MAN1B1: variants seen among roughly 807,000 people sequenced by gnomAD.
The protein encoded by MAN1B1 is mannosidase alpha class 1B member 1, also known as endoplasmic reticulum mannosyl-oligosaccharide 1,2-alpha-mannosidase.
In MAN1B1, 66 loss-of-function variants were observed where a neutral mutation model predicts 75.5. The observed-to-expected ratio is 0.87, with a 90% CI of 0.72 to 1.07. The LOEUF (loss-of-function observed/expected upper bound fraction) is 1.07, where lower values mean the gene tolerates loss of function less well. MAN1B1 is among the 50% of genes least tolerant of loss of function. The pLI, the probability that MAN1B1 is intolerant of heterozygous loss-of-function variation, is 0.00. For missense variants in MAN1B1, 973 were observed against 912.5 expected (o/e 1.07, Z -0.85); for synonymous variants, 453 against 382.8 (o/e 1.18, Z -2.14).
chr9:137,096,318 G>C lies in MAN1B1; in HGVS notation c.547G>C (p.Glu183Gln), dbSNP rs1344970682. 7 of 1,614,094 alleles carry C rather than the reference G, an allele frequency of 4.3e-6. No individual in the cohort carries two copies. Among genetic ancestry groups the C allele is most frequent in the Non-Finnish European group, 5.9e-6 (7 of 1,180,038 alleles). Residue 183 changes from glutamate (E) to glutamine (Q), a missense_variant, in exon 4 of 13, where the codon GAG becomes CAG. Coordinates refer to ENST00000371589, the MANE Select transcript of MAN1B1 (RefSeq NM_016219.5). ...CCAAGACCTGAAGGATGGGACCCAG[G>C]AGGAGGCCACAAAAAGGCAAGAAGC... ...PSQDLKDGTQEEATKRQEAPV... is the reference protein window; with the variant it reads ...PSQDLKDGTQQEATKRQEAPV...
chr9:137,102,501 C>G (rs914103584), intron 8 of MAN1B1: 6 of 361,768 alleles, frequency 1.7e-5, no homozygotes, highest in Admixed American at 3.3e-5. Flanking sequence ...GCGTGCAGGT[C>G]AGTGTTACAC....
rs1468287222 is a variant in MAN1B1 at position 137,087,202 on chromosome 9, G to T, written c.203G>T (p.Arg68Leu). Residue 68 changes from arginine to leucine, a missense_variant, in exon 1 of 13, where the codon CGG becomes CTG. By Grantham distance (102) the Arg-to-Leu change is moderately radical (BLOSUM62 -2). Transcript: ENST00000371589. Reference sequence around the variant, plus strand: ...TATGACAACAGCAAGAGTTGGCGGCGGCGCTCGTGCTGGAGGGTGAGGGTC... The same window carrying T: ...TATGACAACAGCAAGAGTTGGCGGCTGCGCTCGTGCTGGAGGGTGAGGGTC... The part of the protein sequence containing the change: ...ENYDNSKSWR[R>L]RSCWRKWKQL... 1.3e-6 allele frequency: 2 copies of T among 1,582,030 alleles called. No individual in the cohort carries two copies. The highest frequency in any genetic ancestry group is 1.7e-6 in the Non-Finnish European group (2 of 1,164,648).
chr9:137,097,808 C>G lies in MAN1B1; in HGVS notation c.621-20C>G. 2 of 1,529,062 alleles carry G rather than the reference C, an allele frequency of 1.3e-6. No homozygotes were observed. Among genetic ancestry groups the G allele is most frequent in the Non-Finnish European group, 1.8e-6 (2 of 1,127,104 alleles). The allele number at this position is 1,529,062 out of a possible 1,614,324, so 94.7% of individuals were successfully genotyped here. Reference sequence around the variant, plus strand: ...CACAAATGTTTGACGGCAGCTGACACCCTTCCTTCTCCCCCGAAGCTGGAG... The same window carrying G: ...CACAAATGTTTGACGGCAGCTGACAGCCTTCCTTCTCCCCCGAAGCTGGAG... On this transcript the variant is annotated intron_variant, in intron 4 of 12. Coordinates refer to ENST00000371589, the MANE Select transcript of MAN1B1 (RefSeq NM_016219.5).
In MAN1B1 at chr9:137,088,062, G is replaced by A. The variant is rs1830421825; in HGVS notation, c.220-13G>A. The A allele has an allele frequency of 2.5e-6, 4 of 1,596,812 alleles. No homozygotes were observed. Among genetic ancestry groups the A allele is most frequent in the Non-Finnish European group, 3.4e-6 (4 of 1,164,162 alleles). ...TATTCAGTAAGAAATGTCATTCTCT[G>A]TACCTCCCTTAGAAATGGAAGCAAC... On this transcript the variant is annotated splice_polypyrimidine_tract_variant and intron_variant, in intron 1 of 12. Coordinates refer to ENST00000371589, the MANE Select transcript of MAN1B1 (RefSeq NM_016219.5).
rs552992991 is a variant in MAN1B1, at chr9:137,087,116, A to G, written c.117A>G (p.Pro39=). The part of the protein sequence containing the change: ...WAVATTVVMY[P]PPPPPPHRDF... The stretch of plus-strand genomic sequence containing the variant: ...TCGCCACCACTGTAGTCATGTACCC[A>G]CCGCCGCCGCCGCCGCCTCATCGGG... The change falls in exon 1 of 13, where the codon CCA becomes CCG. Residue 39 remains proline, a synonymous_variant. Transcript: ENST00000371589. The G allele has an allele frequency of 3.1e-6, 5 of 1,587,896 alleles. No homozygotes were observed. Among genetic ancestry groups the G allele is most frequent in the Non-Finnish European group, 3.4e-6 (4 of 1,169,884 alleles).
In MAN1B1 at chr9:137,106,389, G is replaced by T. The variant is rs577201707; in HGVS notation, c.1445+74G>T. 172 of 1,346,848 alleles carry T rather than the reference G, an allele frequency of 1.3e-4. No homozygotes were observed. In the African/African-American group the frequency reaches 2.2e-3, roughly 17 times the overall value. 83.4% of individuals were successfully genotyped at this position (1,346,848 alleles called of 1,614,324 possible). Reference sequence around the variant, plus strand: ...CAGCCCCCCACTCCTGCTGCCCCCAGCTCCCACGGCCCCCGCTCCTGCTGC... The same window carrying T: ...CAGCCCCCCACTCCTGCTGCCCCCATCTCCCACGGCCCCCGCTCCTGCTGC... On this transcript the variant is annotated intron_variant, in intron 9 of 12. Coordinates refer to ENST00000371589, the MANE Select transcript of MAN1B1 (RefSeq NM_016219.5).
chr9:137,098,506 C>T (rs767741605), intron 5 of MAN1B1, among the ~76,000 whole-genome samples: 9 of 152,200 alleles, frequency 5.9e-5, no homozygotes, highest in Non-Finnish European at 8.8e-5. Context: ...TCATCATGCC[C>T]CCCAGGTGTC....
rs374247020 is a variant in MAN1B1, at chr9:137,107,607, G to A, written c.1841G>A (p.Arg614His). The A allele has an allele frequency of 1.8e-4, 286 of 1,611,426 alleles. 1 individual carries two copies. In the Middle Eastern group the frequency reaches 4.9e-3, roughly 28 times the overall value. Reference sequence around the variant, plus strand: ...TACCTGTACCGCGTCACAGGGGACCGCAAATACCAGGACTGGGGCTGGGAG... The same window carrying A: ...TACCTGTACCGCGTCACAGGGGACCACAAATACCAGGACTGGGGCTGGGAG... Reference protein sequence around the residue: ...LFYLYRVTGDRKYQDWGWEIL... With the variant: ...LFYLYRVTGDHKYQDWGWEIL... The change falls in exon 12 of 13, where the codon CGC becomes CAC. Residue 614 changes from arginine (R) to histidine (H), a missense_variant. Arg to His is a conservative substitution (Grantham distance 29). Transcript: ENST00000371589.
In MAN1B1 at chr9:137,088,153, T is replaced by G. The variant is rs774949935; in HGVS notation, c.298T>G (p.Phe100Val). 13 of 1,614,068 alleles carry G rather than the reference T, an allele frequency of 8.1e-6. No homozygotes were observed. The highest frequency in any genetic ancestry group is 1.1e-5 in the Non-Finnish European group (13 of 1,180,042). ...CTTTCTGCTTTTCTGTGGACTCCTCTTCTACATCAACTTGGCTGACCATTG... is the reference window on the plus strand; with the variant it reads ...CTTTCTGCTTTTCTGTGGACTCCTCGTCTACATCAACTTGGCTGACCATTG... ...LAFLLFCGLL[F>V]YINLADHWKA... The change falls in exon 2 of 13, where the codon TTC (phenylalanine) becomes GTC (valine). Residue 100 changes from phenylalanine (F) to valine (V), a missense_variant. Transcript: ENST00000371589.
Position 137,101,088 on chromosome 9 carries a change from C to A in MAN1B1, c.1000C>A (p.Arg334Ser). ...VDVNLFESTI[R>S]ILGGLLSAYH... Reference sequence around the variant, plus strand: ...CGTCAACCTGTTTGAGAGCACGATCCGCATCCTGGGGGGGCTCCTGAGTGC... The same window carrying A: ...CGTCAACCTGTTTGAGAGCACGATCAGCATCCTGGGGGGGCTCCTGAGTGC... The change falls in exon 7 of 13, where the codon CGC becomes AGC. Residue 334 changes from arginine to serine, a missense_variant. By Grantham distance (110) the Arg-to-Ser change is moderately radical. Coordinates refer to ENST00000371589, the MANE Select transcript of MAN1B1 (RefSeq NM_016219.5). 1 of 1,614,134 alleles carries A rather than the reference C, an allele frequency of 6.2e-7. No homozygotes were observed. Among genetic ancestry groups the A allele is most frequent in the Non-Finnish European group, 8.5e-7 (1 of 1,180,030 alleles).
intron 1 of MAN1B1, chr9:137,087,555 A>G (rs890692161): frequency 1.6e-5 from 9 of 559,956 alleles, no homozygotes; most frequent in Non-Finnish European, 3.0e-5. Flanking sequence ...CCCGTGGTGT[A>G]TGCTCCCCTC....
chr9:137,100,654 G>A (rs1245240490), intron 6 of MAN1B1, among the ~76,000 whole-genome samples: 1 of 152,056 alleles, frequency 6.6e-6, no homozygotes, highest in Non-Finnish European at 1.5e-5. Flanking sequence ...GAGTCTAGTG[G>A]TGTGGCCCAG....
chr9:137,096,539 AC>A (rs1830657907), intron 4 of MAN1B1, 148 bp downstream of exon 4: 5 of 1,172,868 alleles, frequency 4.3e-6, no homozygotes, highest in Non-Finnish European at 6.2e-6. Context: ...ACCTTAGATT[AC>A]AGAATCGAAT....
Position 137,097,844 on chromosome 9 carries a change from A to G in MAN1B1, c.637A>G (p.Ile213Val), listed in dbSNP as rs1365081947. 1 of 1,555,354 alleles carries G rather than the reference A, an allele frequency of 6.4e-7. No individual in the cohort carries two copies. The highest frequency in any genetic ancestry group is 2.4e-5 in the East Asian group (1 of 41,194). ...CCCCCGAAGCTGGAGGGGAGCGGTG[A>G]TCGAGCCTGAGCAGGGCACCGAGCT... ...RTVISWRGAV[I>V]EPEQGTELPS... The change falls in exon 5 of 13, where the codon ATC becomes GTC. Residue 213 changes from isoleucine (I) to valine (V), a missense_variant. Transcript: ENST00000371589.
chr9:137,106,404 G>GTTCCCGCAGCCCCCCA, intron 9 of MAN1B1, 89 bp downstream of exon 9: 1 of 1,206,104 alleles, frequency 8.3e-7, no homozygotes, highest in South Asian at 1.4e-5. Context: ...CACGGCCCCC[G>GTTCCCGCAGCCCCCCA]CTCCTGCTGC....
rs1831214800 is a variant in MAN1B1 at position 137,108,856 on chromosome 9, T to C, written c.*265T>C. ...GACACGAATCATGACTCACGATTGC[T>C]GAAGCCTGAGCAGGTCTCTGTGGGC... On this transcript the variant is annotated 3_prime_UTR_variant, in exon 13 of 13. Coordinates refer to ENST00000371589, the MANE Select transcript of MAN1B1 (RefSeq NM_016219.5). The C allele has an allele frequency of 1.6e-6, 1 of 627,386 alleles. No individual in the cohort carries two copies. Among genetic ancestry groups the C allele is most frequent in the Non-Finnish European group, 3.0e-6 (1 of 337,304 alleles). 38.9% of individuals were successfully genotyped at this position (627,386 alleles called of 1,614,324 possible). A position where few individuals can be genotyped will look rare whatever the true frequency, so the allele number is the denominator to read the frequency against.
At chr9:137,107,479 G>T (rs774717891) in intron 11 of MAN1B1, 32 bp downstream of exon 11, 2 of 1,613,280 alleles carry the variant, frequency 1.2e-6, no homozygotes, top group South Asian at 2.2e-5. Context: ...GGTCCATCAG[G>T]AGGAGGGTGC....
chr9:137,106,564 CACCTTCTGTCCGGCAAGGGCCAG>C, intron 9 of MAN1B1, 102 bp from the exon 10 acceptor site: 1 of 1,485,336 alleles, frequency 6.7e-7, no homozygotes, highest in Non-Finnish European at 9.3e-7. Context: ...TGCAGGGTGG[CACCTTCTGTCCGGCAAGGGCCAG>C]GCCTGCTGTA....
intron 8 of MAN1B1, chr9:137,104,115 C>T (rs1831009900): frequency 4.4e-6 from 2 of 455,290 alleles, no homozygotes; most frequent in Non-Finnish European, 8.9e-6. Context: ...GAAGCTCTCC[C>T]ATCACACAGT....
Sources: gnomAD v4.1 joint callset for allele counts (sites outside exome capture counted in the v4.1 genomes callset) on GRCh38, gnomAD v4.1.1 for gene constraint, MANE v1.5 for transcripts, NCBI Gene and HGNC (gene_info 2026-07-23, HGNC 2026-07-21) for gene names.